The following SCAI variants were observed in gnomAD, a reference collection of about 807,000 sequenced individuals.
SCAI encodes the protein protein SCAI.
A neutral mutation model predicts 92.2 loss-of-function variants in SCAI; 24 were observed. That is an observed-to-expected ratio of 0.26 (90% CI 0.19 to 0.37). The LOEUF (loss-of-function observed/expected upper bound fraction) is 0.37, where lower values mean the gene tolerates loss of function less well. Ranked by LOEUF, SCAI falls within the 10% of genes least tolerant of loss-of-function variation. SCAI has a pLI of 1.00. For synonymous variants in SCAI, 261 were observed against 258.6 expected (o/e 1.01, Z -0.09); for missense variants, 450 against 736.2 (o/e 0.61, Z 4.50).
Position 125,039,259 on chromosome 9 carries a change from C to T in SCAI, c.231-9520G>A, listed in dbSNP as rs370500696. Among the ~76,000 whole-genome samples, 29 of 151,928 alleles carry T rather than the reference C, an allele frequency of 1.9e-4. 1 individual carries two copies. The East Asian group carries it at 3.5e-3, about 18-fold the overall frequency. Reference sequence around the variant, plus strand: ...AGAATTAGCTAGGCGTGGTGGCATGCGTCTGCAGTCCCAGCCACTCGGGAG... The same window carrying T: ...AGAATTAGCTAGGCGTGGTGGCATGTGTCTGCAGTCCCAGCCACTCGGGAG... On this transcript the variant is annotated intron_variant, in intron 3 of 17. Coordinates refer to ENST00000336505, the MANE Select transcript of SCAI (RefSeq NM_001144877.3).
intron 2 of SCAI, among the ~76,000 whole-genome samples, chr9:125,119,908 C>G (rs1046027539): frequency 1.3e-5 from 2 of 152,218 alleles, no homozygotes; most frequent in Non-Finnish European, 2.9e-5. Flanking sequence ...CCCTCTTACA[C>G]AGGCCACTCC....
chr9:124,976,508 T>TTA (rs1831758134), intron 14 of SCAI, among the ~76,000 whole-genome samples: 1 of 152,274 alleles, frequency 6.6e-6, no homozygotes, highest in East Asian at 1.9e-4. Context: ...CAACACACAC[T>TTA]TATATATATA....
intron 2 of SCAI, among the ~76,000 whole-genome samples, chr9:125,115,221 A>T (rs1011265830): frequency 9.2e-5 from 14 of 151,898 alleles, no homozygotes; most frequent in Non-Finnish European, 1.9e-4. Context: ...AAATACAAAA[A>T]ATTAGCCGGG....
chr9:125,142,453 C>T (rs1247606608), intron 2 of SCAI, 180 bp downstream of exon 2: 6 of 474,506 alleles, frequency 1.3e-5, no homozygotes, highest in African/African-American at 2.0e-5. Flanking sequence ...AAAAAAAAAT[C>T]GACTGTAGAG....
In SCAI at chr9:125,044,008, G is replaced by A. The variant is rs138524856; in HGVS notation, c.230+11868C>T. On this transcript the variant is annotated intron_variant, in intron 3 of 17. Transcript: ENST00000336505. Reference sequence around the variant, plus strand: ...CTTAAGAAGCTCCCTGCCCCCACATGCTTGAAAGTACCTGCTCCTGCTCCC... The same window carrying A: ...CTTAAGAAGCTCCCTGCCCCCACATACTTGAAAGTACCTGCTCCTGCTCCC... 2.0e-5 allele frequency among the ~76,000 whole-genome samples: 3 copies of A among 152,232 alleles called. No homozygotes were observed. The East Asian group carries it at 5.8e-4, about 29-fold the overall frequency.
At chr9:124,953,924 T>C (rs1831273887) in intron 17 of SCAI, among the ~76,000 whole-genome samples, 2 of 152,196 alleles carry the variant, frequency 1.3e-5, no homozygotes, top group Admixed American at 1.3e-4. Context: ...CCAGGCTGGC[T>C]TACTGCAGCC....
intron 14 of SCAI, among the ~76,000 whole-genome samples, chr9:124,992,767 A>T (rs1832155007): frequency 6.6e-6 from 1 of 152,172 alleles, no homozygotes; most frequent in African/African-American, 2.4e-5. Context: ...CATCAAAAGC[A>T]AACAACAACA....
intron 14 of SCAI, among the ~76,000 whole-genome samples, chr9:124,976,923 C>T (rs924111276): frequency 2.0e-5 from 3 of 151,426 alleles, no homozygotes; most frequent in Non-Finnish European, 4.4e-5. Context: ...GGCTGGAGTG[C>T]AATGGCACGA....
chr9:124,971,627 T>TAA (rs765289458), intron 16 of SCAI, 44 bp downstream of exon 16: 82 of 1,507,928 alleles, frequency 5.4e-5, no homozygotes, highest in Non-Finnish European at 7.1e-5. Flanking sequence ...TTTTAAGCCA[T>TAA]TATAGTACAT....
At chr9:125,043,340 T>C (rs574899440) in intron 3 of SCAI, among the ~76,000 whole-genome samples, 1 of 152,340 alleles carries the variant, frequency 6.6e-6, no homozygotes, top group South Asian at 2.1e-4. Flanking sequence ...TTCCAAACCA[T>C]GTTTCTGTGT....
At chr9:125,043,822 T>C (rs1833380235) in intron 3 of SCAI, among the ~76,000 whole-genome samples, 1 of 152,078 alleles carries the variant, frequency 6.6e-6, no homozygotes, top group East Asian at 1.9e-4. Context: ...AGTGGGGAAG[T>C]TGTGGCCAGG....
chr9:125,034,995 G>A (rs889046330), intron 3 of SCAI, among the ~76,000 whole-genome samples: 1 of 152,106 alleles, frequency 6.6e-6, no homozygotes, highest in Non-Finnish European at 1.5e-5. Flanking sequence ...TTATAGCATG[G>A]TAAATACAGT....
Position 124,999,896 on chromosome 9 carries a change from C to T in SCAI, c.1239G>A (p.Met413Ile). 8 of 1,508,404 alleles carry T rather than the reference C, an allele frequency of 5.3e-6. No homozygotes were observed. The highest frequency in any genetic ancestry group is 7.3e-6 in the Non-Finnish European group (8 of 1,091,674). The allele number at this position is 1,508,404 out of a possible 1,614,324, so 93.4% of individuals were successfully genotyped here. The change falls in exon 13 of 18, where the codon ATG (methionine) becomes ATA (isoleucine). Residue 413 changes from methionine to isoleucine, a missense_variant. Coordinates refer to ENST00000336505, the MANE Select transcript of SCAI (RefSeq NM_001144877.3). The part of the protein sequence containing the change: ...IHKRNQSHKE[M>I]HCLHPGDLYP... ...GTAGACACCAGAATACATACCAGTGCATTTCCTTGTGGGACTGATTTCGTT... is the reference window on the plus strand; with the variant it reads ...GTAGACACCAGAATACATACCAGTGTATTTCCTTGTGGGACTGATTTCGTT...
intron 3 of SCAI, among the ~76,000 whole-genome samples, chr9:125,052,247 C>T (rs1036678504): frequency 3.3e-5 from 5 of 152,098 alleles, no homozygotes; most frequent in Non-Finnish European, 7.4e-5. Flanking sequence ...AAATTAAAAA[C>T]ATTTGTGCTT....
chr9:125,076,642 ATTGT>A (rs1834095837), intron 2 of SCAI, among the ~76,000 whole-genome samples: 1 of 152,100 alleles, frequency 6.6e-6, no homozygotes, highest in Non-Finnish European at 1.5e-5. Context: ...AGGCAGGCAA[ATTGT>A]TTGAGTTCAA....
At chr9:125,074,572 T>C (rs1391927470) in intron 2 of SCAI, among the ~76,000 whole-genome samples, 1 of 151,594 alleles carries the variant, frequency 6.6e-6, no homozygotes, top group Non-Finnish European at 1.5e-5. Context: ...ATTTTCAGAA[T>C]AGTCAGTACT....
At chr9:124,962,407 C>T (rs572659539) in intron 17 of SCAI, among the ~76,000 whole-genome samples, 6 of 152,056 alleles carry the variant, frequency 3.9e-5, no homozygotes, top group Non-Finnish European at 7.4e-5. Flanking sequence ...GTGACCAACC[C>T]GCTGTGGCCT....
intron 2 of SCAI, among the ~76,000 whole-genome samples, chr9:125,136,114 C>T (rs1835520000): frequency 1.3e-5 from 2 of 150,516 alleles, no homozygotes; most frequent in African/African-American, 2.5e-5. Flanking sequence ...AATTAACTTA[C>T]CTTTTTTTTT....
chr9:125,106,722 CTTTTTTTTTTTTT>C (rs34740170), intron 2 of SCAI, among the ~76,000 whole-genome samples: 3 of 113,364 alleles, frequency 2.6e-5, no homozygotes, highest in African/African-American at 9.8e-5. Context: ...TTTTCTTTTC[CTTTTTTTTTTTTT>C]TTTTTTTTTG....
Sources: gnomAD v4.1 joint callset for allele counts (sites outside exome capture counted in the v4.1 genomes callset) on GRCh38, gnomAD v4.1.1 for gene constraint, MANE v1.5 for transcripts, NCBI Gene and HGNC (gene_info 2026-07-23, HGNC 2026-07-21) for gene names.